AFF2: variants seen among roughly 807,000 people sequenced by gnomAD.
AFF2 encodes the protein AF4/FMR2 family member 2.
AFF2 carries 14 observed loss-of-function variants against 76.9 expected under a neutral mutation model. The observed-to-expected ratio is 0.18, with a 90% CI of 0.12 to 0.28. The LOEUF (loss-of-function observed/expected upper bound fraction) is 0.28. Among genes scored for constraint, AFF2 ranks in the 10% least tolerant of loss-of-function variants. The pLI is 1.00. For synonymous variants in AFF2, 398 were observed against 366.7 expected (o/e 1.09, Z -0.98); for missense variants, 868 against 1,001.1 (o/e 0.87, Z 1.79).
rs3067275 is a variant in AFF2 at position 148,825,590 on chromosome X, G to GTTT, written c.1087-12048_1087-12046dup. 4.6e-3 allele frequency among the ~76,000 whole-genome samples: 453 copies of GTTT among 99,519 alleles called. 1 individual carries two copies. The highest frequency in any genetic ancestry group is 7.3e-3 in the South Asian group (14 of 1,905). The allele number at this position is 99,519 out of a possible 115,157, so 86.4% of individuals were successfully genotyped here. A position where few individuals can be genotyped will look rare whatever the true frequency, so the allele number is the denominator to read the frequency against. On this transcript the variant is annotated intron_variant, in intron 4 of 20. Coordinates refer to ENST00000370460, the MANE Select transcript of AFF2 (RefSeq NM_002025.4). The stretch of plus-strand genomic sequence containing the variant: ...CTCCTTTCATGTCTTTAATAGAGTA[G>GTTT]TTTTTTTTTTTCATTTTTGACCACT...
chrX:148,956,310 C>T lies in AFF2; in HGVS notation c.2265C>T (p.Thr755=). 1 of 1,211,680 alleles carries T rather than the reference C, an allele frequency of 8.3e-7. No homozygotes were observed. Among genetic ancestry groups the T allele is most frequent in the Non-Finnish European group, 1.1e-6 (1 of 895,484 alleles). ...AGGAAATCTGTGGTGCCAGCCTGAC[C>T]CTCAGCACCTTAATGAGTAGCAGTG... is the stretch of plus-strand genomic sequence containing the variant. The part of the protein sequence containing the change: ...KSKEICGASL[T]LSTLMSSSGS... Residue 755 remains threonine, a synonymous_variant, in exon 11 of 21, where the codon ACC becomes ACT. Transcript: ENST00000370460.
At chrX:148,505,360 C>T (rs1421570927) in intron 1 of AFF2, among the ~76,000 whole-genome samples, 1 of 111,765 alleles carries the variant, frequency 8.9e-6, no homozygotes, top group Non-Finnish European at 1.9e-5. Context: ...TTTAATGATA[C>T]ATGAATTGTT....
chrX:148,583,747 C>T (rs1333174969), intron 1 of AFF2, among the ~76,000 whole-genome samples: 2 of 111,284 alleles, frequency 1.8e-5, no homozygotes, highest in African/African-American at 6.5e-5. Context: ...TTTCCTTTTC[C>T]GTATTTATAA....
intron 3 of AFF2, among the ~76,000 whole-genome samples, chrX:148,764,907 GA>G (rs1557267585): frequency 8.9e-6 from 1 of 112,225 alleles, no homozygotes; most frequent in Non-Finnish European, 1.9e-5. Context: ...TCAACCCCTT[GA>G]CTGGGGGACT....
intron 1 of AFF2, among the ~76,000 whole-genome samples, chrX:148,632,567 G>A (rs1323761506): frequency 9.0e-6 from 1 of 111,164 alleles, no homozygotes; most frequent in East Asian, 2.8e-4. Context: ...TTGTACTCTC[G>A]CCGATCATTG....
chrX:148,802,627 G>A (rs1487678294), intron 3 of AFF2, among the ~76,000 whole-genome samples: 1 of 111,950 alleles, frequency 8.9e-6, no homozygotes, highest in African/African-American at 3.2e-5. Context: ...GGCGAGTGAA[G>A]AAGTGAATTG....
intron 3 of AFF2, among the ~76,000 whole-genome samples, chrX:148,802,127 C>A (rs782480709): frequency 8.9e-6 from 1 of 112,058 alleles, no homozygotes; most frequent in Admixed American, 9.5e-5. Context: ...CTATGCTATG[C>A]GGAGTGTGGC....
intron 8 of AFF2, among the ~76,000 whole-genome samples, chrX:148,896,165 A>G (rs1346779246): frequency 9.0e-6 from 1 of 111,354 alleles, no homozygotes; most frequent in Non-Finnish European, 1.9e-5. Context: ...CGTGCTAGAT[A>G]CAACTCCTTA....
intron 3 of AFF2, among the ~76,000 whole-genome samples, chrX:148,786,330 C>A (rs1557269514): frequency 1.2e-4 from 13 of 111,619 alleles, no homozygotes. Flanking sequence ...TGTCTTCACC[C>A]ACTAACTAGG....
intron 1 of AFF2, among the ~76,000 whole-genome samples, chrX:148,575,766 C>T (rs1277632736): frequency 9.1e-6 from 1 of 110,027 alleles, no homozygotes; most frequent in East Asian, 2.8e-4. Flanking sequence ...CTTTTAAAAT[C>T]AGTCTTTTTT....
At chrX:148,571,209 G>A (rs1453810708) in intron 1 of AFF2, among the ~76,000 whole-genome samples, 4 of 111,896 alleles carry the variant, frequency 3.6e-5, no homozygotes, top group African/African-American at 1.3e-4. Context: ...GGGCAAGCCT[G>A]TGGACTACTT....
At chrX:148,605,879 C>T (rs954544653) in intron 1 of AFF2, among the ~76,000 whole-genome samples, 12 of 112,004 alleles carry the variant, frequency 1.1e-4, no homozygotes, top group Admixed American at 2.8e-4. Flanking sequence ...CTGTAATTAT[C>T]GCAGGCAAGT....
chrX:148,649,100 A>G (rs1557255996), intron 1 of AFF2, among the ~76,000 whole-genome samples: 1 of 111,649 alleles, frequency 9.0e-6, no homozygotes, highest in Non-Finnish European at 1.9e-5. Flanking sequence ...CTGGGTGTGT[A>G]AAGATGTATC....
At chrX:148,696,102 G>T (rs2054719006) in intron 3 of AFF2, among the ~76,000 whole-genome samples, 1 of 111,917 alleles carries the variant, frequency 8.9e-6, no homozygotes, top group Non-Finnish European at 1.9e-5. Flanking sequence ...GCATAATGTT[G>T]TATAATGTTG....
rs782605756 is a variant in AFF2 at position 148,720,972 on chromosome X, A to G, written c.1041+58204A>G. On this transcript the variant is annotated intron_variant, in intron 3 of 20. Transcript: ENST00000370460. Reference sequence around the variant, plus strand: ...TATTTGTCCTCCATAGAGATATGAGATATAGATATTACCTGAACTTGCACC... The same window carrying G: ...TATTTGTCCTCCATAGAGATATGAGGTATAGATATTACCTGAACTTGCACC... 9.7e-4 allele frequency among the ~76,000 whole-genome samples: 109 copies of G among 111,904 alleles called. 1 individual carries two copies. The highest frequency in any genetic ancestry group is 3.4e-3 in the African/African-American group (104 of 30,857).
Position 148,694,879 on chromosome X carries a change from G to A in AFF2, c.1041+32111G>A, listed in dbSNP as rs193102941. On this transcript the variant is annotated intron_variant, in intron 3 of 20. Transcript: ENST00000370460. The stretch of plus-strand genomic sequence containing the variant: ...CGCCCAGGCTGGAGTGCAGTGGCGC[G>A]ATCTCTGCTCACTGCAACCTCCGTC... Among the ~76,000 whole-genome samples, 456 of 96,484 alleles carry A rather than the reference G, an allele frequency of 4.7e-3. 4 individuals are homozygous for A. Among genetic ancestry groups the A allele is most frequent in the African/African-American group, 0.017 (443 of 25,418 alleles). The allele number at this position is 96,484 out of a possible 115,157, so 83.8% of individuals were successfully genotyped here. A position where few individuals can be genotyped will look rare whatever the true frequency, so the allele number is the denominator to read the frequency against.
At chrX:148,789,721 C>T (rs1335959025) in intron 3 of AFF2, among the ~76,000 whole-genome samples, 1 of 111,954 alleles carries the variant, frequency 8.9e-6, no homozygotes, top group African/African-American at 3.2e-5. Flanking sequence ...TGAAGGAATA[C>T]CATGTTCCCC....
intron 7 of AFF2, among the ~76,000 whole-genome samples, chrX:148,867,234 A>G (rs782774052): frequency 8.9e-6 from 1 of 112,512 alleles, no homozygotes; most frequent in East Asian, 2.8e-4. Context: ...TACTGGCTGA[A>G]CGCATTCCCG....
At chrX:148,770,220 G>A (rs943603418) in intron 3 of AFF2, among the ~76,000 whole-genome samples, 1 of 111,776 alleles carries the variant, frequency 8.9e-6, no homozygotes, top group Non-Finnish European at 1.9e-5. Context: ...TATAGCTCAA[G>A]GTAGAAACTG....
Sources: allele counts gnomAD v4.1 joint callset (sites outside exome capture counted in the v4.1 genomes callset), GRCh38; gene constraint gnomAD v4.1.1; transcripts MANE v1.5; gene names NCBI Gene and HGNC (gene_info 2026-07-23, HGNC 2026-07-21).